DNAH6: variants seen among roughly 807,000 people sequenced by gnomAD.
DNAH6 encodes the protein dynein axonemal heavy chain 6.
In DNAH6, 340 loss-of-function variants were observed where a neutral mutation model predicts 491.4. The ratio of observed to expected loss-of-function variants is 0.69; its 90% CI spans 0.63 to 0.76. The LOEUF is 0.76. Among genes scored for constraint, DNAH6 ranks in the 30% least tolerant of loss-of-function variants. DNAH6 has a pLI of 0.00. For synonymous variants in DNAH6, 1,603 were observed against 1,686.1 expected (o/e 0.95, Z 1.21); for missense variants, 4,443 against 4,972.2 (o/e 0.89, Z 3.20).
intron 4 of DNAH6, among the ~76,000 whole-genome samples, chr2:84,529,899 A>G (rs6547564): frequency 0.93 from 142,075 of 152,262 alleles, 66,408 homozygotes; most frequent in East Asian, 1. Context: ...AACTGAGAAG[A>G]TGACACTGAG....
At chr2:84,664,470 C>T (rs1691870115) in intron 37 of DNAH6, among the ~76,000 whole-genome samples, 1 of 152,062 alleles carries the variant, frequency 6.6e-6, no homozygotes, top group Non-Finnish European at 1.5e-5. Flanking sequence ...ATAAAACAGA[C>T]TTTAAACCAA....
At chr2:84,526,034 T>C (rs1484658594) in intron 3 of DNAH6, among the ~76,000 whole-genome samples, 1 of 152,140 alleles carries the variant, frequency 6.6e-6, no homozygotes, top group Non-Finnish European at 1.5e-5. Context: ...TTTCATCATT[T>C]TTACCAAAAA....
rs182931470 is a variant in DNAH6, at chr2:84,691,019, C to T, written c.7292+2426C>T. Among the ~76,000 whole-genome samples, 179 of 152,302 alleles carry T rather than the reference C, an allele frequency of 1.2e-3. 1 individual carries two copies. The highest frequency in any genetic ancestry group is 2.1e-3 in the Non-Finnish European group (145 of 68,026). ...GTTTCTGCCCATTGTATGCCCCTAA[C>T]GTTGTCACCACACTCCAAAGATAGT... On this transcript the variant is annotated intron_variant, in intron 45 of 76. Coordinates refer to ENST00000389394, the MANE Select transcript of DNAH6 (RefSeq NM_001370.2).
intron 8 of DNAH6, among the ~76,000 whole-genome samples, 180 bp downstream of exon 8, chr2:84,548,597 G>A (rs934633763): frequency 1.3e-5 from 2 of 152,038 alleles, no homozygotes; most frequent in African/African-American, 4.8e-5. Flanking sequence ...AAAATGAAAA[G>A]TAGAATCTTT....
At chr2:84,790,793 G>C (rs1040078258) in intron 68 of DNAH6, among the ~76,000 whole-genome samples, 2 of 152,172 alleles carry the variant, frequency 1.3e-5, no homozygotes, top group Non-Finnish European at 2.9e-5. Flanking sequence ...ATGTAAAATT[G>C]TCCTGCTGCT....
At chr2:84,505,671 T>C in the DNAH6 span, among the ~76,000 whole-genome samples, 14 of 152,190 alleles carry the variant, frequency 9.2e-5, no homozygotes, top group Admixed American at 3.9e-4. Context: ...ACTTGTCATT[T>C]AACATTAGGT....
intron 76 of DNAH6, among the ~76,000 whole-genome samples, chr2:84,818,343 G>T (rs1225448915): frequency 1.3e-5 from 2 of 151,886 alleles, no homozygotes; most frequent in Middle Eastern, 3.4e-3. Flanking sequence ...ACAAAAATTA[G>T]CAAGGTGTGG....
intron 31 of DNAH6, among the ~76,000 whole-genome samples, chr2:84,637,866 C>T (rs963548797): frequency 1.3e-5 from 2 of 152,070 alleles, no homozygotes; most frequent in African/African-American, 4.8e-5. Context: ...TTTGTTTTTT[C>T]TGTATCTACT....
chr2:84,763,222 G>A (rs533495565), intron 64 of DNAH6, among the ~76,000 whole-genome samples: 98 of 152,200 alleles, frequency 6.4e-4, no homozygotes, highest in African/African-American at 2.3e-3. Context: ...TGGTATTTAA[G>A]ACAGGATTTT....
chr2:84,470,007 T>C, the DNAH6 span, among the ~76,000 whole-genome samples: 1 of 152,112 alleles, frequency 6.6e-6, no homozygotes, highest in Non-Finnish European at 1.5e-5. Flanking sequence ...GGAGAGACAT[T>C]AACTCTCCTA....
intron 11 of DNAH6, among the ~76,000 whole-genome samples, chr2:84,568,268 T>G (rs1277684206): frequency 6.6e-6 from 1 of 152,102 alleles, no homozygotes; most frequent in Admixed American, 6.6e-5. Flanking sequence ...GATATATGCA[T>G]ACACACATTC....
At chr2:84,729,467 A>G (rs941975623) in intron 61 of DNAH6, among the ~76,000 whole-genome samples, 3 of 152,130 alleles carry the variant, frequency 2.0e-5, no homozygotes, top group African/African-American at 7.2e-5. Flanking sequence ...CTGCAGCCTT[A>G]TCAACAGCTC....
intron 59 of DNAH6, 76 bp from the exon 60 acceptor site, chr2:84,722,549 A>T (rs1283623743): frequency 7.9e-7 from 1 of 1,261,718 alleles, no homozygotes; most frequent in Non-Finnish European, 1.1e-6. Context: ...CCCTAGACCT[A>T]ACTGGATACA....
rs1343271501 is a variant in DNAH6 at position 84,701,279 on chromosome 2, C to T, written c.8001C>T (p.Tyr2667=). The change falls in exon 49 of 77, where the codon TAC becomes TAT. Residue 2667 remains tyrosine (Y), a synonymous_variant. Coordinates refer to ENST00000389394, the MANE Select transcript of DNAH6 (RefSeq NM_001370.2). ...GGTACTACACGACACCCACCTCCTA[C>T]CTGGAGCTTATCAATCTTTACCTGT... ...RRRYYTTPTS[Y]LELINLYLSM... The T allele has an allele frequency of 6.4e-7, 1 of 1,551,912 alleles. No homozygotes were observed.
At chr2:84,809,249 A>G (rs1679731846) in intron 72 of DNAH6, among the ~76,000 whole-genome samples, 1 of 152,240 alleles carries the variant, frequency 6.6e-6, no homozygotes, top group African/African-American at 2.4e-5. Context: ...CATTGACAGG[A>G]AAAGTGTTAC....
At chr2:84,485,296 G>A in the DNAH6 span, among the ~76,000 whole-genome samples, 1 of 152,094 alleles carries the variant, frequency 6.6e-6, no homozygotes, top group African/African-American at 2.4e-5. Context: ...CCTGGAATGA[G>A]TTTCACTGTC....
intron 37 of DNAH6, 50 bp from the exon 38 acceptor site, chr2:84,669,239 T>A (rs1427012160): frequency 7.3e-7 from 1 of 1,377,152 alleles, no homozygotes; most frequent in Non-Finnish European, 1.0e-6. Context: ...CTACTGTGTG[T>A]CAATATTGCT....
chr2:84,717,543 G>A (rs1164862190), intron 58 of DNAH6, among the ~76,000 whole-genome samples: 2 of 152,164 alleles, frequency 1.3e-5, no homozygotes, highest in Non-Finnish European at 2.9e-5. Flanking sequence ...GCAAGCTGGG[G>A]ATGATAACCA....
chr2:84,729,056 G>A (rs754918583), intron 61 of DNAH6, among the ~76,000 whole-genome samples: 4 of 152,026 alleles, frequency 2.6e-5, no homozygotes, highest in Admixed American at 1.3e-4. Context: ...AGAAAAAGCC[G>A]AGACAAGATC....
Sources: gnomAD v4.1 joint callset for allele counts (sites outside exome capture counted in the v4.1 genomes callset) on GRCh38, gnomAD v4.1.1 for gene constraint, MANE v1.5 for transcripts, NCBI Gene and HGNC (gene_info 2026-07-23, HGNC 2026-07-21) for gene names.